CACNA2D3: variants seen among roughly 807,000 people sequenced by gnomAD.
CACNA2D3 encodes the protein voltage-dependent calcium channel subunit alpha-2/delta-3.
A neutral mutation model predicts 160.6 loss-of-function variants in CACNA2D3; 60 were observed. The ratio of observed to expected loss-of-function variants is 0.37; its 90% CI spans 0.30 to 0.46. The LOEUF is 0.46. CACNA2D3 is among the 20% of genes least tolerant of loss of function. The pLI, the probability that CACNA2D3 is intolerant of heterozygous loss-of-function variation, is 1.00. For missense variants in CACNA2D3, 1,205 were observed against 1,365.0 expected, an observed-to-expected ratio of 0.88 and a Z score of 1.85; for synonymous variants, 558 against 492.9, an observed-to-expected ratio of 1.13 and a Z score of -1.75.
intron 31 of CACNA2D3, among the ~76,000 whole-genome samples, chr3:54,991,590 T>C (rs1291453164): frequency 6.7e-6 from 1 of 149,442 alleles, no homozygotes; most frequent in East Asian, 1.9e-4. Flanking sequence ...CCCCTGGTAA[T>C]GCAAATTCAA....
Position 54,868,441 on chromosome 3 carries a change from C to A in CACNA2D3, c.1627-3098C>A, listed in dbSNP as rs553780941. Reference sequence around the variant, plus strand: ...CTCATGGGCTAGTATGATGGGAAATCTTTTATTCCATCACTCTCTAATCAT... The same window carrying A: ...CTCATGGGCTAGTATGATGGGAAATATTTTATTCCATCACTCTCTAATCAT... On this transcript the variant is annotated intron_variant, in intron 17 of 37. Transcript: ENST00000474759. 3.9e-5 allele frequency among the ~76,000 whole-genome samples: 6 copies of A among 152,182 alleles called. No individual in the cohort carries two copies. The South Asian group carries it at 1.2e-3, about 32-fold the overall frequency.
chr3:54,751,749 A>G (rs1350595087), intron 11 of CACNA2D3, among the ~76,000 whole-genome samples: 1 of 152,200 alleles, frequency 6.6e-6, no homozygotes, highest in Non-Finnish European at 1.5e-5. Flanking sequence ...ATCTAATGCC[A>G]TGTCTTCACT....
At chr3:54,615,190 G>A (rs1698824451) in intron 9 of CACNA2D3, among the ~76,000 whole-genome samples, 1 of 152,192 alleles carries the variant, frequency 6.6e-6, no homozygotes, top group African/African-American at 2.4e-5. Flanking sequence ...TGCAGCTTCT[G>A]ATGAATTAAT....
At chr3:54,703,111 A>G (rs146149132) in intron 11 of CACNA2D3, among the ~76,000 whole-genome samples, 60 of 152,320 alleles carry the variant, frequency 3.9e-4, no homozygotes, top group African/African-American at 1.4e-3. Flanking sequence ...GAGGATCACA[A>G]AACTATCCAC....
chr3:54,392,436 A>G (rs79016299), intron 4 of CACNA2D3, among the ~76,000 whole-genome samples: 4,045 of 152,324 alleles, frequency 0.027, 80 homozygotes, highest in Non-Finnish European at 0.039. Context: ...AGAAAAAAAT[A>G]TGGTTTTGAA....
At chr3:54,981,660 G>T (rs1025638574) in intron 29 of CACNA2D3, among the ~76,000 whole-genome samples, 1 of 152,198 alleles carries the variant, frequency 6.6e-6, no homozygotes, top group African/African-American at 2.4e-5. Flanking sequence ...TAGTGACCGG[G>T]CTGGCTGGAC....
chr3:54,770,677 C>T (rs1702304573), intron 13 of CACNA2D3, among the ~76,000 whole-genome samples: 1 of 152,144 alleles, frequency 6.6e-6, no homozygotes, highest in Admixed American at 6.5e-5. Context: ...TCTGGAAGGC[C>T]ATTCTGGTGC....
chr3:54,310,863 C>T (rs1703723976), intron 2 of CACNA2D3, among the ~76,000 whole-genome samples: 1 of 152,182 alleles, frequency 6.6e-6, no homozygotes, highest in Non-Finnish European at 1.5e-5. Flanking sequence ...CTGGTCTCAT[C>T]CACCTTACTG....
intron 4 of CACNA2D3, among the ~76,000 whole-genome samples, chr3:54,502,244 G>C (rs766492310): frequency 1.3e-5 from 2 of 151,972 alleles, no homozygotes; most frequent in Non-Finnish European, 2.9e-5. Context: ...TTCTCAGTCT[G>C]GTGTCCCATT....
intron 4 of CACNA2D3, among the ~76,000 whole-genome samples, chr3:54,390,460 T>C (rs35591016): frequency 0.11 from 16,143 of 152,196 alleles, 1,014 homozygotes; most frequent in East Asian, 0.17. Flanking sequence ...TCCTCCCCAG[T>C]CACCTGTTCT....
chr3:54,719,163 C>CTTTTTTTTTT (rs527632302), intron 11 of CACNA2D3, among the ~76,000 whole-genome samples: 10 of 132,700 alleles, frequency 7.5e-5, no homozygotes, highest in South Asian at 2.4e-4. Flanking sequence ...CACTGGATTT[C>CTTTTTTTTTT]TTTTTTTTTT....
intron 27 of CACNA2D3, among the ~76,000 whole-genome samples, chr3:54,966,455 G>T (rs1702152910): frequency 6.6e-6 from 1 of 152,082 alleles, no homozygotes; most frequent in Non-Finnish European, 1.5e-5. Flanking sequence ...ATCACAGTAG[G>T]TCCCCAACAG....
rs1009918638 is a variant in CACNA2D3, at chr3:54,717,690, G to A, written c.1168-34909G>A. ...CATGTGTGGTGTGTGTGGTGTGTGC[G>A]TGCGTGTGTGTGGTGTGTGCATGTG... On this transcript the variant is annotated intron_variant, in intron 11 of 37. Coordinates refer to ENST00000474759, the MANE Select transcript of CACNA2D3 (RefSeq NM_018398.3). 1.5e-4 allele frequency among the ~76,000 whole-genome samples: 21 copies of A among 144,224 alleles called. No homozygotes were observed. The South Asian group carries it at 1.6e-3, about 11-fold the overall frequency. The allele number at this position is 144,224 out of a possible 152,430, so 94.6% of individuals were successfully genotyped here.
chr3:54,879,239 G>A, intron 19 of CACNA2D3, 111 bp from the exon 20 acceptor site: 1 of 900,652 alleles, frequency 1.1e-6, no homozygotes, highest in South Asian at 1.7e-5. Context: ...ATGTAGTACT[G>A]TTAACCTGAT....
At chr3:54,303,205 T>C (rs1703519291) in intron 2 of CACNA2D3, among the ~76,000 whole-genome samples, 1 of 152,202 alleles carries the variant, frequency 6.6e-6, no homozygotes, top group East Asian at 1.9e-4. Context: ...GGAGAGCACA[T>C]TGCTTTTCTT....
chr3:54,339,663 G>A (rs1575404096), intron 3 of CACNA2D3, among the ~76,000 whole-genome samples: 1 of 152,172 alleles, frequency 6.6e-6, no homozygotes, highest in East Asian at 1.9e-4. Flanking sequence ...TGATATGCCA[G>A]AGATCTGATC....
chr3:54,855,632 G>T (rs1418194804), intron 17 of CACNA2D3, among the ~76,000 whole-genome samples: 1 of 152,110 alleles, frequency 6.6e-6, no homozygotes, highest in African/African-American at 2.4e-5. Context: ...GAGATGGAGG[G>T]AAGGAAAAAG....
intron 27 of CACNA2D3, among the ~76,000 whole-genome samples, chr3:54,951,520 G>A (rs1701756368): frequency 1.3e-5 from 2 of 152,192 alleles, no homozygotes; most frequent in South Asian, 4.1e-4. Flanking sequence ...CAGTTACTGT[G>A]AACTTTGAAG....
intron 6 of CACNA2D3, among the ~76,000 whole-genome samples, chr3:54,568,804 T>C (rs1350070102): frequency 6.6e-6 from 1 of 152,228 alleles, no homozygotes; most frequent in Non-Finnish European, 1.5e-5. Context: ...CTCTTTGCAT[T>C]ACAGACTACT....
Sources: gnomAD v4.1 joint callset for allele counts (sites outside exome capture counted in the v4.1 genomes callset) on GRCh38, gnomAD v4.1.1 for gene constraint, MANE v1.5 for transcripts, NCBI Gene and HGNC (gene_info 2026-07-23, HGNC 2026-07-21) for gene names.